The following SHANK2 variants were observed in gnomAD, a reference collection of about 807,000 sequenced individuals.
The protein encoded by SHANK2 is SH3 and multiple ankyrin repeat domains 2.
In SHANK2, 43 loss-of-function variants were observed where a neutral mutation model predicts 133.7. The observed-to-expected ratio is 0.32, with a 90% CI of 0.25 to 0.41. The LOEUF (loss-of-function observed/expected upper bound fraction) is 0.41, where lower values mean the gene tolerates loss of function less well. Among genes scored for constraint, SHANK2 ranks in the 10% least tolerant of loss-of-function variants. The pLI, the probability that SHANK2 is intolerant of heterozygous loss-of-function variation, is 1.00. For synonymous variants in SHANK2, 1,017 were observed against 952.8 expected, an observed-to-expected ratio of 1.07 and a Z score of -1.24; for missense variants, 1,994 against 2,235.8, an observed-to-expected ratio of 0.89 and a Z score of 2.18.
At chr11:70,476,887 G>T (rs888236473) in intron 25 of SHANK2, among the ~76,000 whole-genome samples, 1 of 152,224 alleles carries the variant, frequency 6.6e-6, no homozygotes, top group African/African-American at 2.4e-5. Flanking sequence ...GCCCCAGAGT[G>T]AGAGCACCTA....
chr11:70,473,280 C>A lies in SHANK2; in HGVS notation c.5139G>T (p.Ser1713=), dbSNP rs782339041. 16 of 1,613,362 alleles carry A rather than the reference C, an allele frequency of 9.9e-6. No individual in the cohort carries two copies. In the South Asian group the frequency reaches 1.4e-4, roughly 14 times the overall value. Residue 1713 remains serine, a synonymous_variant, in exon 26 of 26, where the codon TCG becomes TCT. Transcript: ENST00000601538. This position sits in a 1 kb window ranked among gnomAD's most constrained non-coding sequence, Gnocchi z 5.9. The part of the protein sequence containing the change: ...GTRRAPSPVV[S]PTEMNKETLP... ...GGGTCTCTTTGTTCATCTCTGTTGG[C>A]GAGACCACAGGGCTTGGGGCACGTC...
chr11:70,766,477 T>C (rs892854248), intron 14 of SHANK2, among the ~76,000 whole-genome samples: 2 of 152,196 alleles, frequency 1.3e-5, no homozygotes, highest in African/African-American at 2.4e-5. Context: ...TTTCAAGATA[T>C]GGATATTTGG....
chr11:70,607,670 A>T (rs1374290853), intron 17 of SHANK2, among the ~76,000 whole-genome samples: 1 of 152,222 alleles, frequency 6.6e-6, no homozygotes, highest in Non-Finnish European at 1.5e-5. Context: ...TTGTCCAAGG[A>T]GAACAAGGGC....
chr11:71,216,040 G>A (rs955247106), intron 2 of SHANK2, among the ~76,000 whole-genome samples: 16 of 6,098 alleles, frequency 2.6e-3, no homozygotes, highest in Non-Finnish European at 0.019. Flanking sequence ...GTCCAACGGC[G>A]CAGCCACTCT....
chr11:71,222,799 A>G (rs551125171), intron 2 of SHANK2, among the ~76,000 whole-genome samples: 2 of 152,240 alleles, frequency 1.3e-5, no homozygotes, highest in Non-Finnish European at 2.9e-5. Context: ...CACCTTCTCC[A>G]GCAGGGTCAC....
chr11:70,707,355 G>A (rs909019093), intron 14 of SHANK2, among the ~76,000 whole-genome samples: 5 of 119,500 alleles, frequency 4.2e-5, no homozygotes, highest in Admixed American at 2.2e-4. Flanking sequence ...CTGGGCGACA[G>A]AGTGAAAACT....
chr11:70,678,532 C>CATTT (rs1491534302), intron 15 of SHANK2, among the ~76,000 whole-genome samples: 5 of 77,040 alleles, frequency 6.5e-5, no homozygotes, highest in Admixed American at 1.9e-4. Context: ...TAAGAACAGG[C>CATTT]TTTTTTTTTT....
rs1301926774 is a variant in SHANK2 at position 70,804,608 on chromosome 11, G to A, written c.1663+2394C>T. Among the ~76,000 whole-genome samples the A allele has an allele frequency of 6.6e-6, 1 of 152,142 alleles. No homozygotes were observed. Among genetic ancestry groups the A allele is most frequent in the African/African-American group, 2.4e-5 (1 of 41,428 alleles). ...TGCTGGGTTCCAGTGTGCTGGGGAG[G>A]GGCAGAGAGGCTGAGGAGGCCCAGT... On this transcript the variant is annotated intron_variant, in intron 13 of 25. Coordinates refer to ENST00000601538, the MANE Select transcript of SHANK2 (RefSeq NM_012309.5). This position sits in a 1 kb window ranked among gnomAD's most constrained non-coding sequence, Gnocchi z 4.1.
intron 14 of SHANK2, among the ~76,000 whole-genome samples, chr11:70,747,960 T>C (rs550898108): frequency 5.9e-5 from 9 of 152,080 alleles, no homozygotes; most frequent in African/African-American, 2.2e-4. Flanking sequence ...CAATAATAAA[T>C]ATTAGACGAA....
chr11:70,923,008 C>A (rs537451757), intron 10 of SHANK2, among the ~76,000 whole-genome samples: 2 of 152,048 alleles, frequency 1.3e-5, no homozygotes, highest in Non-Finnish European at 2.9e-5. Context: ...AGTTAAAGTA[C>A]CTATTATATT....
intron 15 of SHANK2, chr11:70,668,173 C>T (rs1404392292): frequency 1.3e-5 from 2 of 152,174 alleles, no homozygotes; most frequent in Admixed American, 1.3e-4. Flanking sequence ...AATTCCTAAC[C>T]CCCAGCGTCT....
chr11:70,915,238 T>C (rs1382088533), intron 10 of SHANK2, among the ~76,000 whole-genome samples: 1 of 152,138 alleles, frequency 6.6e-6, no homozygotes, highest in African/African-American at 2.4e-5. Context: ...TTGCTGCCAC[T>C]GGGAATCTCA....
At chr11:71,207,911 T>C (rs944474282) in intron 2 of SHANK2, among the ~76,000 whole-genome samples, 1 of 152,006 alleles carries the variant, frequency 6.6e-6, no homozygotes, top group Non-Finnish European at 1.5e-5. Context: ...AATTCCTCTG[T>C]GTTCCTGCCT....
chr11:71,187,239 T>A (rs1335197810), intron 2 of SHANK2, among the ~76,000 whole-genome samples: 2 of 152,172 alleles, frequency 1.3e-5, no homozygotes, highest in Non-Finnish European at 2.9e-5. Flanking sequence ...TCAGGAAAAT[T>A]TGCCAGGATG....
intron 10 of SHANK2, among the ~76,000 whole-genome samples, chr11:70,925,849 C>T (rs1286156009): frequency 6.6e-6 from 1 of 152,198 alleles, no homozygotes; most frequent in Non-Finnish European, 1.5e-5. Context: ...TGAGCTGTTG[C>T]TCCTAGGAGA....
Position 70,616,215 on chromosome 11 carries a change from G to A in SHANK2, c.2061+43613C>T, listed in dbSNP as rs375722559. Reference sequence around the variant, plus strand: ...CATGATGCAACTGAACGGACCCCACGGCCGACTGCTCCTTGCTCCGATAAG... The same window carrying A: ...CATGATGCAACTGAACGGACCCCACAGCCGACTGCTCCTTGCTCCGATAAG... On this transcript the variant is annotated intron_variant, in intron 17 of 25. Coordinates refer to ENST00000601538, the MANE Select transcript of SHANK2 (RefSeq NM_012309.5). Among the ~76,000 whole-genome samples the A allele has an allele frequency of 3.4e-4, 52 of 152,290 alleles. 1 individual carries two copies. Among genetic ancestry groups the A allele is most frequent in the African/African-American group, 1.2e-3 (50 of 41,556 alleles).
intron 11 of SHANK2, among the ~76,000 whole-genome samples, chr11:70,849,595 G>A (rs1363542424): frequency 6.6e-6 from 1 of 152,158 alleles, no homozygotes; most frequent in Non-Finnish European, 1.5e-5. Flanking sequence ...AGGGATCACT[G>A]TGTGAGAACA....
At chr11:71,173,576 C>G (rs1555112611) in intron 2 of SHANK2, among the ~76,000 whole-genome samples, 1 of 152,254 alleles carries the variant, frequency 6.6e-6, no homozygotes, top group Admixed American at 6.5e-5. Context: ...TCCACTGCAA[C>G]AATTTTAACT....
At chr11:70,606,640 C>T (rs1175525437) in intron 17 of SHANK2, among the ~76,000 whole-genome samples, 1 of 152,006 alleles carries the variant, frequency 6.6e-6, no homozygotes, top group African/African-American at 2.4e-5. Context: ...CCCTCAGACT[C>T]CCCTCCTGGG....
Sources: allele counts gnomAD v4.1 joint callset (sites outside exome capture counted in the v4.1 genomes callset), GRCh38; gene constraint gnomAD v4.1.1; non-coding constraint Gnocchi (gnomAD v3.1); transcripts MANE v1.5; gene names NCBI Gene and HGNC (gene_info 2026-07-23, HGNC 2026-07-21).